The following GBP7 variants were observed in gnomAD, a reference collection of about 807,000 sequenced individuals.
The protein encoded by GBP7 is guanylate-binding protein 7.
GBP7 carries 43 observed loss-of-function variants against 61.3 expected under a neutral mutation model. That is an observed-to-expected ratio of 0.70 (90% confidence interval 0.55 to 0.91). The LOEUF is 0.91. Among genes scored for constraint, GBP7 ranks in the 40% least tolerant of loss-of-function variants. The probability of loss-of-function intolerance (pLI) is 0.00; values close to 1 mark genes in which losing one functional copy is unlikely to be tolerated. For missense variants in GBP7, 717 were observed against 740.5 expected (o/e 0.97, Z 0.37); for synonymous variants, 267 against 271.0 (o/e 0.99, Z 0.14).
rs149585695 is a variant in GBP7 at position 89,170,994 on chromosome 1, G to A, written c.190+752C>T. Among the ~76,000 whole-genome samples, 70 of 152,294 alleles carry A rather than the reference G, an allele frequency of 4.6e-4. 6 individuals carry two copies. The highest frequency in any genetic ancestry group is 2.3e-3 in the East Asian group (12 of 5,190). On this transcript the variant is annotated intron_variant, in intron 2 of 10. Transcript: ENST00000294671. ...GAACTTTCATTTTACATCAACTGGCGTATATGTCTCCTTTTTGCCTTTAAA... is the reference window on the plus strand; with the variant it reads ...GAACTTTCATTTTACATCAACTGGCATATATGTCTCCTTTTTGCCTTTAAA...
chr1:89,135,657 A>C (rs1681783546), intron 9 of GBP7, among the ~76,000 whole-genome samples: 2 of 152,216 alleles, frequency 1.3e-5, no homozygotes, highest in Non-Finnish European at 2.9e-5. Flanking sequence ...GGAATTTGTT[A>C]CCACCAGACC....
At chr1:89,146,072 G>T (rs1234986943) in intron 8 of GBP7, among the ~76,000 whole-genome samples, 3 of 152,076 alleles carry the variant, frequency 2.0e-5, no homozygotes, top group Non-Finnish European at 4.4e-5. Flanking sequence ...TACTACAAAG[G>T]TATCAAGTAG....
At chr1:89,154,944 C>T (rs541122659) in intron 3 of GBP7, among the ~76,000 whole-genome samples, 16 of 152,142 alleles carry the variant, frequency 1.1e-4, no homozygotes, top group Non-Finnish European at 5.9e-5. Flanking sequence ...CTGGGAGGCA[C>T]CTCCCAGTAG....
At chr1:89,157,391 C>G (rs1394019351) in intron 3 of GBP7, among the ~76,000 whole-genome samples, 2 of 151,808 alleles carry the variant, frequency 1.3e-5, no homozygotes, top group African/African-American at 2.4e-5. Flanking sequence ...ACAAAAAAAC[C>G]CTTCAAAAAA....
chr1:89,169,209 T>G (rs1177322322), intron 2 of GBP7, among the ~76,000 whole-genome samples: 1 of 152,240 alleles, frequency 6.6e-6, no homozygotes, highest in African/African-American at 2.4e-5. Flanking sequence ...ATGACTAAAA[T>G]TTTTAAAGTG....
Position 89,150,514 on chromosome 1 carries a change from T to TG in GBP7, c.686dup (p.Gln231ThrfsTer7). The TG allele has an allele frequency of 6.2e-7, 1 of 1,613,998 alleles. No homozygotes were observed. The highest frequency in any genetic ancestry group is 8.5e-7 in the Non-Finnish European group (1 of 1,179,866). On this transcript the variant is annotated frameshift_variant, in exon 6 of 11. Transcript: ENST00000294671. LOFTEE classifies it high-confidence loss of function. ...GGTCAAAGACAAAGCACTTCTGTTT[T>TG]GGAAAGAAATGCCTGATCCACTCCC...
At chr1:89,155,449 A>C (rs968823802) in intron 3 of GBP7, among the ~76,000 whole-genome samples, 4 of 152,206 alleles carry the variant, frequency 2.6e-5, no homozygotes, top group African/African-American at 9.7e-5. Context: ...AAAGAAGCTA[A>C]AAACCTTGAA....
chr1:89,169,760 A>G (rs1406052400), intron 2 of GBP7, among the ~76,000 whole-genome samples: 1 of 152,232 alleles, frequency 6.6e-6, no homozygotes. Context: ...CCATACCCAA[A>G]GACATTTAGT....
intron 3 of GBP7, among the ~76,000 whole-genome samples, chr1:89,153,912 A>G (rs566442323): frequency 1.3e-5 from 2 of 152,338 alleles, no homozygotes; most frequent in Non-Finnish European, 2.9e-5. Flanking sequence ...AAAGAATTAA[A>G]AAGGTGAGAG....
intron 3 of GBP7, among the ~76,000 whole-genome samples, chr1:89,154,410 A>G (rs543120263): frequency 6.6e-5 from 10 of 152,202 alleles, no homozygotes; most frequent in Non-Finnish European, 1.3e-4. Context: ...CTGCAGTGCA[A>G]TGGTGCAAAC....
chr1:89,132,521 T>C, intron 10 of GBP7, 118 bp from the exon 11 acceptor site: 1 of 765,842 alleles, frequency 1.3e-6, no homozygotes, highest in Non-Finnish European at 2.1e-6. Context: ...TAGAAAATCT[T>C]TGATGAGTTG....
In GBP7 at chr1:89,149,659, G is replaced by GA. The variant is rs557311924; in HGVS notation, c.872-88dup. 170 of 1,155,816 alleles carry GA rather than the reference G, an allele frequency of 1.5e-4. No individual in the cohort carries two copies. The African/African-American group carries it at 2.4e-3, about 17-fold the overall frequency. 71.6% of individuals were successfully genotyped at this position (1,155,816 alleles called of 1,614,324 possible). On this transcript the variant is annotated intron_variant, in intron 6 of 10. Transcript: ENST00000294671. ...GTATGTATCAGCATTCTAAAAATCA[G>GA]AAAAAATTCCATTTAACATGAATTT...
intron 3 of GBP7, among the ~76,000 whole-genome samples, chr1:89,155,535 A>G (rs1682299266): frequency 6.6e-6 from 1 of 152,260 alleles, no homozygotes; most frequent in South Asian, 2.1e-4. Context: ...GCTGGAAAGC[A>G]TGGCACGAGA....
intron 3 of GBP7, among the ~76,000 whole-genome samples, chr1:89,163,435 T>G (rs1458419034): frequency 1.3e-5 from 2 of 151,752 alleles, no homozygotes; most frequent in African/African-American, 4.8e-5. Flanking sequence ...TATTACTGCC[T>G]CAATTTCAGA....
Position 89,132,234 on chromosome 1 carries a change from G to A in GBP7, c.1832C>T (p.Ala611Val), listed in dbSNP as rs1681695052. 1.2e-6 allele frequency: 2 copies of A among 1,613,384 alleles called. No homozygotes were observed. Among genetic ancestry groups the A allele is most frequent in the African/African-American group, 1.3e-5 (1 of 74,908 alleles). ...CATTCCTAAATCAACTAGCTTAGCA[G>A]CCCCAGGTAGTGCTGCAATAAATAT... ...GSIFIAALPG[A>V]AKLVDLGMKI... Residue 611 changes from alanine to valine, a missense_variant, in exon 11 of 11, where the codon GCT (alanine) becomes GTT (valine). Around this residue, in one of 3 missense-constraint regions of GBP7, gnomAD observed 312 missense variants for 310.1 expected, o/e 1.01. Coordinates refer to ENST00000294671, the MANE Select transcript of GBP7 (RefSeq NM_207398.3).
chr1:89,134,466 A>G (rs1166959872), intron 9 of GBP7, among the ~76,000 whole-genome samples: 1 of 152,208 alleles, frequency 6.6e-6, no homozygotes, highest in Non-Finnish European at 1.5e-5. Flanking sequence ...ACCAGTAGCA[A>G]GTTGGCCCCT....
chr1:89,149,896 C>T (rs1454101915), intron 6 of GBP7, among the ~76,000 whole-genome samples: 1 of 151,660 alleles, frequency 6.6e-6, no homozygotes, highest in Admixed American at 6.6e-5. Flanking sequence ...AATTTAAAAG[C>T]GTTTATTCAG....
intron 3 of GBP7, among the ~76,000 whole-genome samples, chr1:89,162,514 T>C (rs1456897545): frequency 6.6e-6 from 1 of 152,244 alleles, no homozygotes. Flanking sequence ...GCTGTATTCC[T>C]AAGCAGCAAT....
At chr1:89,145,968 C>T (rs937567976) in intron 8 of GBP7, among the ~76,000 whole-genome samples, 3 of 151,764 alleles carry the variant, frequency 2.0e-5, no homozygotes, top group African/African-American at 7.3e-5. Flanking sequence ...GTAAGAAAAC[C>T]AATTATAAAA....
Sources: allele counts gnomAD v4.1 joint callset (sites outside exome capture counted in the v4.1 genomes callset), GRCh38; gene constraint gnomAD v4.1.1; regional missense constraint gnomAD v4.1.1; transcripts MANE v1.5; gene names NCBI Gene and HGNC (gene_info 2026-07-23, HGNC 2026-07-21).